CDH8: variants seen among roughly 807,000 people sequenced by gnomAD.
The protein encoded by CDH8 is cadherin 8.
Under a neutral mutation model 68.1 loss-of-function variants are expected in CDH8, and 17 were observed. The ratio of observed to expected loss-of-function variants is 0.25; its 90% CI spans 0.17 to 0.37. CDH8 has a LOEUF of 0.37. Among genes scored for constraint, CDH8 ranks in the 10% least tolerant of loss-of-function variants. The pLI is 1.00. For missense variants in CDH8, 763 were observed against 999.3 expected (o/e 0.76, Z 3.19); for synonymous variants, 372 against 365.1 (o/e 1.02, Z -0.21).
At chr16:61,967,965 C>A (rs983254474) in intron 2 of CDH8, among the ~76,000 whole-genome samples, 11 of 152,100 alleles carry the variant, frequency 7.2e-5, no homozygotes, top group Admixed American at 7.2e-4. Context: ...CCCGCCACCA[C>A]GCCCAGCTAA....
At chr16:62,032,634 T>G (rs1018520186) in intron 1 of CDH8, among the ~76,000 whole-genome samples, 1 of 152,208 alleles carries the variant, frequency 6.6e-6, no homozygotes, top group African/African-American at 2.4e-5. Context: ...TCTTCGGACC[T>G]TAAATTGCAC....
intron 6 of CDH8, among the ~76,000 whole-genome samples, chr16:61,820,686 G>T (rs1780283590): frequency 6.6e-6 from 1 of 151,926 alleles, no homozygotes; most frequent in South Asian, 2.1e-4. Context: ...TGGGTAATAG[G>T]TAAGTTGGAG....
chr16:61,767,925 A>T (rs555291177), intron 8 of CDH8, among the ~76,000 whole-genome samples: 1 of 151,890 alleles, frequency 6.6e-6, no homozygotes, highest in Non-Finnish European at 1.5e-5. Flanking sequence ...TAGAACTCAG[A>T]GAGATACAAT....
intron 2 of CDH8, among the ~76,000 whole-genome samples, chr16:61,956,275 C>T (rs1964987834): frequency 6.6e-6 from 1 of 152,032 alleles, no homozygotes; most frequent in Non-Finnish European, 1.5e-5. Context: ...TAAAAATGTT[C>T]ATTGCATAAC....
intron 3 of CDH8, among the ~76,000 whole-genome samples, chr16:61,864,177 G>A (rs1451492664): frequency 1.3e-5 from 2 of 152,162 alleles, no homozygotes; most frequent in South Asian, 4.1e-4. Context: ...GTGTCAGACA[G>A]AATTCATTAT....
At chr16:61,751,346 T>A (rs1316675668) in intron 8 of CDH8, among the ~76,000 whole-genome samples, 1 of 126,578 alleles carries the variant, frequency 7.9e-6, no homozygotes, top group Non-Finnish European at 1.6e-5. Flanking sequence ...ACTCTGAGGT[T>A]AAGTAGTTGG....
At chr16:61,768,355 T>C (rs1960666105) in intron 8 of CDH8, among the ~76,000 whole-genome samples, 97 of 111,550 alleles carry the variant, frequency 8.7e-4, no homozygotes, top group African/African-American at 2.7e-3. Context: ...TCTCTCTCTC[T>C]CTCTCTCTCT....
At chr16:61,894,049 T>A (rs894125903) in intron 3 of CDH8, among the ~76,000 whole-genome samples, 4 of 152,152 alleles carry the variant, frequency 2.6e-5, no homozygotes, top group Non-Finnish European at 5.9e-5. Context: ...TATCTGTTCA[T>A]AAAGTGTTAA....
At chr16:61,727,360 T>C (rs1172298892) in intron 8 of CDH8, 145 bp from the exon 9 acceptor site, 1 of 730,558 alleles carries the variant, frequency 1.4e-6, no homozygotes, top group African/African-American at 1.8e-5. Context: ...TCTGACCAAA[T>C]AAGAAAAATA....
intron 10 of CDH8, among the ~76,000 whole-genome samples, chr16:61,689,128 T>C (rs1007263299): frequency 6.6e-6 from 1 of 152,056 alleles, no homozygotes; most frequent in African/African-American, 2.4e-5. Context: ...TGTTCCAAAA[T>C]GAGCAAGTAT....
Position 61,653,550 on chromosome 16 carries a change from G to C in CDH8, c.*58C>G. On this transcript the variant is annotated 3_prime_UTR_variant, in exon 12 of 12. Transcript: ENST00000577390. ...TAGCCACATTGGTTGTATCTAAGGG[G>C]AGTGACCCTAGAATATTACAGAATG... 2.0e-6 allele frequency: 3 copies of C among 1,531,942 alleles called. No homozygotes were observed. Among genetic ancestry groups the C allele is most frequent in the South Asian group, 2.6e-5 (2 of 76,388 alleles). The allele number at this position is 1,531,942 out of a possible 1,614,324, so 94.9% of individuals were successfully genotyped here.
chr16:61,858,441 C>T (rs1333828919), intron 3 of CDH8, among the ~76,000 whole-genome samples: 1 of 152,186 alleles, frequency 6.6e-6, no homozygotes, highest in African/African-American at 2.4e-5. Context: ...GAATCACATG[C>T]TGTGAGGTCA....
chr16:61,897,742 T>A (rs563104388), intron 3 of CDH8, among the ~76,000 whole-genome samples: 1 of 152,250 alleles, frequency 6.6e-6, no homozygotes, highest in East Asian at 1.9e-4. Flanking sequence ...ACCATCTTAC[T>A]CTAATCTAGA....
intron 10 of CDH8, among the ~76,000 whole-genome samples, chr16:61,657,211 C>A (rs1323875042): frequency 6.6e-6 from 1 of 151,894 alleles, no homozygotes; most frequent in African/African-American, 2.4e-5. Flanking sequence ...GTGAGATATC[C>A]CATTCAGATG....
rs530131371 is a variant in CDH8 at position 61,768,398 on chromosome 16, T to TTCTCTC, written c.1414+20942_1414+20947dup. ...TCTCTCTCTCTCTCTCTCTCTCCCT[T>TTCTCTC]TCTCTCTCTCTCTCTCTCTCTCTCT... On this transcript the variant is annotated intron_variant, in intron 8 of 11. Coordinates refer to ENST00000577390, the MANE Select transcript of CDH8 (RefSeq NM_001796.5). Among the ~76,000 whole-genome samples, 255 of 35,196 alleles carry TTCTCTC rather than the reference T, an allele frequency of 7.2e-3. 8 individuals are homozygous for TTCTCTC. The highest frequency in any genetic ancestry group is 0.018 in the East Asian group (18 of 1,004). 23.1% of individuals were successfully genotyped at this position (35,196 alleles called of 152,430 possible).
At chr16:61,828,716 G>T (rs1962394535) in intron 4 of CDH8, among the ~76,000 whole-genome samples, 1 of 151,798 alleles carries the variant, frequency 6.6e-6, no homozygotes, top group African/African-American at 2.4e-5. Flanking sequence ...TCTTACCAAT[G>T]CTGCCCTCAT....
chr16:61,832,637 T>C (rs1962485614), intron 4 of CDH8, among the ~76,000 whole-genome samples: 1 of 151,730 alleles, frequency 6.6e-6, no homozygotes, highest in African/African-American at 2.4e-5. Context: ...TACTCATATT[T>C]TTAGTTTTAG....
intron 7 of CDH8, among the ~76,000 whole-genome samples, chr16:61,797,091 G>C (rs1961517580): frequency 6.6e-6 from 1 of 151,316 alleles, no homozygotes; most frequent in Non-Finnish European, 1.5e-5. Flanking sequence ...ACCTCTTTCT[G>C]TGTGTGTGTG....
At chr16:61,852,380 A>G (rs1962954611) in intron 4 of CDH8, among the ~76,000 whole-genome samples, 1 of 152,068 alleles carries the variant, frequency 6.6e-6, no homozygotes. Flanking sequence ...CACTAGTAGT[A>G]CCATCACAGT....
Sources: allele counts gnomAD v4.1 joint callset (sites outside exome capture counted in the v4.1 genomes callset), GRCh38; gene constraint gnomAD v4.1.1; transcripts MANE v1.5; gene names NCBI Gene and HGNC (gene_info 2026-07-23, HGNC 2026-07-21).